Variants in EIF2AK3 observed in about 807,000 individuals in gnomAD.
The protein encoded by EIF2AK3 is eukaryotic translation initiation factor 2 alpha kinase 3.
Under a neutral mutation model 113.5 loss-of-function variants are expected in EIF2AK3, and 50 were observed. The ratio of observed to expected loss-of-function variants is 0.44; its 90% CI spans 0.35 to 0.56. The LOEUF is 0.56. EIF2AK3 is among the 20% of genes least tolerant of loss of function. The pLI is 0.00. For missense variants in EIF2AK3, 1,185 were observed against 1,378.0 expected, an observed-to-expected ratio of 0.86 and a Z score of 2.22; for synonymous variants, 448 against 495.4, an observed-to-expected ratio of 0.90 and a Z score of 1.27.
intron 2 of EIF2AK3, among the ~76,000 whole-genome samples, chr2:88,600,347 T>C (rs541376239): frequency 6.6e-6 from 1 of 152,246 alleles, no homozygotes; most frequent in African/African-American, 2.4e-5. Flanking sequence ...AGTCACCCGA[T>C]AGTCAGCTGC....
intron 10 of EIF2AK3, among the ~76,000 whole-genome samples, chr2:88,580,133 A>G (rs1199934429): frequency 1.3e-5 from 2 of 152,226 alleles, no homozygotes; most frequent in East Asian, 3.8e-4. Context: ...CAAAGCTGAC[A>G]TGGGTTGGGT....
intron 1 of EIF2AK3, among the ~76,000 whole-genome samples, chr2:88,616,983 G>A (rs2103973956): frequency 6.6e-6 from 1 of 152,274 alleles, no homozygotes; most frequent in South Asian, 2.1e-4. Context: ...CCAGAAGCAT[G>A]TCTCTGGAAT....
At chr2:88,606,960 A>G (rs1244809729) in intron 2 of EIF2AK3, among the ~76,000 whole-genome samples, 1 of 152,128 alleles carries the variant, frequency 6.6e-6, no homozygotes, top group Non-Finnish European at 1.5e-5. Flanking sequence ...TCTTAAGAGG[A>G]AAAAAAGGGC....
At chr2:88,578,935 A>G (rs918700743) in intron 11 of EIF2AK3, among the ~76,000 whole-genome samples, 2 of 152,214 alleles carry the variant, frequency 1.3e-5, no homozygotes, top group African/African-American at 4.8e-5. Context: ...GGTTAAACAA[A>G]ATATGGCACG....
intron 2 of EIF2AK3, among the ~76,000 whole-genome samples, chr2:88,610,971 G>C (rs147050250): frequency 1.3e-5 from 2 of 152,118 alleles, no homozygotes; most frequent in Non-Finnish European, 2.9e-5. Flanking sequence ...AGGATTGCTT[G>C]AGCCCAGGAT....
At chr2:88,618,589 T>G (rs2103976817) in intron 1 of EIF2AK3, among the ~76,000 whole-genome samples, 1 of 152,340 alleles carries the variant, frequency 6.6e-6, no homozygotes, top group Middle Eastern at 3.4e-3. Context: ...TGGGAGAATG[T>G]AGCCTAACAA....
intron 8 of EIF2AK3, 47 bp from the exon 9 acceptor site, chr2:88,586,108 T>C: frequency 6.9e-7 from 1 of 1,445,930 alleles, no homozygotes; most frequent in Non-Finnish European, 9.7e-7. Context: ...TAATCAAAAA[T>C]AGGCCCGTCT....
Position 88,590,987 on chromosome 2 carries a change from A to C in EIF2AK3, c.833T>G (p.Phe278Cys). ...YIPDMETRAGFIESTFKPNEN... is the reference protein window; with the variant it reads ...YIPDMETRAGCIESTFKPNEN... ...ATTGGGCTTAAAGGTGCTTTCAATA[A>C]ATCCGGCTCTCGTTTCCATGTCTGG... The change falls in exon 5 of 17, where the codon TTT becomes TGT. Residue 278 changes from phenylalanine (F) to cysteine (C), a missense_variant. Phe to Cys is a radical substitution (Grantham distance 205). Coordinates refer to ENST00000303236, the MANE Select transcript of EIF2AK3 (RefSeq NM_004836.7). The C allele has an allele frequency of 3.1e-6, 5 of 1,614,136 alleles. No homozygotes were observed. The highest frequency in any genetic ancestry group is 4.2e-6 in the Non-Finnish European group (5 of 1,179,984).
chr2:88,611,988 G>C (rs1042132083), intron 2 of EIF2AK3, among the ~76,000 whole-genome samples: 2 of 152,130 alleles, frequency 1.3e-5, no homozygotes, highest in East Asian at 1.9e-4. Flanking sequence ...GGGTGGGTGT[G>C]AGAGAGGACA....
intron 11 of EIF2AK3, among the ~76,000 whole-genome samples, chr2:88,577,688 T>C (rs1247328038): frequency 6.6e-6 from 1 of 152,112 alleles, no homozygotes. Context: ...CAACCTATCT[T>C]TTTCTTCCTC....
intron 1 of EIF2AK3, among the ~76,000 whole-genome samples, chr2:88,620,191 A>T (rs1052449105): frequency 6.6e-6 from 1 of 152,038 alleles, no homozygotes; most frequent in Non-Finnish European, 1.5e-5. Context: ...TGGCACATAA[A>T]GCCTTTCACA....
intron 1 of EIF2AK3, 87 bp downstream of exon 1, chr2:88,626,880 G>A: frequency 1.3e-6 from 2 of 1,534,052 alleles, no homozygotes; most frequent in Non-Finnish European, 1.8e-6. Flanking sequence ...CGCCCGCCCG[G>A]GTCCCGGATC....
At position 88,576,728 on chromosome 2, in the gene EIF2AK3, T is replaced by C. The variant is rs765571893; in HGVS notation, c.1887-25A>G. On this transcript the variant is annotated intron_variant, in intron 11 of 16. Transcript: ENST00000303236. ...CCTGAAAGAGAGAAAATATTTAAGG[T>C]GATGGATATTCCAATTACACTGATT... is the stretch of plus-strand genomic sequence containing the variant. 76 of 1,612,326 alleles carry C rather than the reference T, an allele frequency of 4.7e-5. 1 individual carries two copies. The South Asian group carries it at 6.4e-4, about 14-fold the overall frequency.
chr2:88,596,019 C>G (rs1675011657), intron 2 of EIF2AK3, among the ~76,000 whole-genome samples: 1 of 152,070 alleles, frequency 6.6e-6, no homozygotes, highest in African/African-American at 2.4e-5. Context: ...ACTATAGGAG[C>G]TCTTATAGCA....
chr2:88,627,240 C>T lies in EIF2AK3; in HGVS notation c.35G>A (p.Arg12Gln). 5 of 1,482,328 alleles carry T rather than the reference C, an allele frequency of 3.4e-6. No homozygotes were observed. The highest frequency in any genetic ancestry group is 4.5e-6 in the Non-Finnish European group (5 of 1,122,786). The allele number at this position is 1,482,328 out of a possible 1,614,324, so 91.8% of individuals were successfully genotyped here. A position where few individuals can be genotyped will look rare whatever the true frequency, so the allele number is the denominator to read the frequency against. ...ERAISPGLLV[R>Q]ALLLLLLLLG... Reference sequence around the variant, plus strand: ...CAGCAGCAGCAGCAGCAGCAGCGCCCGTACCAGCAGCCCCGGGCTGATGGC... The same window carrying T: ...CAGCAGCAGCAGCAGCAGCAGCGCCTGTACCAGCAGCCCCGGGCTGATGGC... The change falls in exon 1 of 17, where the codon CGG (arginine) becomes CAG (glutamine). Residue 12 changes from arginine (R) to glutamine (Q), a missense_variant. Coordinates refer to ENST00000303236, the MANE Select transcript of EIF2AK3 (RefSeq NM_004836.7).
intron 12 of EIF2AK3, 21 bp downstream of exon 12, chr2:88,576,533 A>G (rs958033123): frequency 1.9e-6 from 3 of 1,613,834 alleles, no homozygotes; most frequent in African/African-American, 2.7e-5. Context: ...GCTTAAGTGT[A>G]TGTGTAACAA....
At chr2:88,610,932 G>C (rs1675437859) in intron 2 of EIF2AK3, among the ~76,000 whole-genome samples, 1 of 151,996 alleles carries the variant, frequency 6.6e-6, no homozygotes, top group South Asian at 2.1e-4. Flanking sequence ...CATGTCTGTA[G>C]TCCCAGCTAC....
chr2:88,579,416 G>A, intron 11 of EIF2AK3, 102 bp downstream of exon 11: 1 of 1,486,944 alleles, frequency 6.7e-7, no homozygotes, highest in Non-Finnish European at 9.3e-7. Flanking sequence ...GTCTGAAACT[G>A]TTTTCTATGG....
At chr2:88,609,173 TAC>T (rs1558661897) in intron 2 of EIF2AK3, among the ~76,000 whole-genome samples, 2 of 152,154 alleles carry the variant, frequency 1.3e-5, no homozygotes, top group Admixed American at 6.5e-5. Flanking sequence ...ATGCTCACAA[TAC>T]AGTCTTCTCT....
Sources: allele counts gnomAD v4.1 joint callset (sites outside exome capture counted in the v4.1 genomes callset), GRCh38; gene constraint gnomAD v4.1.1; transcripts MANE v1.5; gene names NCBI Gene and HGNC (gene_info 2026-07-23, HGNC 2026-07-21).